TRPC7: variants seen among roughly 807,000 people sequenced by gnomAD.
TRPC7 encodes the protein short transient receptor potential channel 7.
TRPC7 carries 42 observed loss-of-function variants against 90.1 expected under a neutral mutation model. The ratio of observed to expected loss-of-function variants is 0.47; its 90% confidence interval spans 0.36 to 0.60. The LOEUF (loss-of-function observed/expected upper bound fraction) is 0.60. Ranked by LOEUF, TRPC7 falls within the 20% of genes least tolerant of loss-of-function variation. TRPC7 has a pLI of 0.00. For missense variants in TRPC7, 955 were observed against 1,112.3 expected, an observed-to-expected ratio of 0.86 and a Z score of 2.01; for synonymous variants, 451 against 436.3, an observed-to-expected ratio of 1.03 and a Z score of -0.42.
At chr5:136,305,408 A>G (rs1204806207) in intron 3 of TRPC7, among the ~76,000 whole-genome samples, 5 of 152,078 alleles carry the variant, frequency 3.3e-5, no homozygotes, top group Non-Finnish European at 5.9e-5. Context: ...GTGGAAATCT[A>G]TCCTCAAGGA....
At chr5:136,261,123 G>T (rs1312817754) in intron 5 of TRPC7, among the ~76,000 whole-genome samples, 1 of 152,096 alleles carries the variant, frequency 6.6e-6, no homozygotes, top group Admixed American at 6.6e-5. Context: ...TCACATGCTG[G>T]ATCTCAGGGT....
At chr5:136,291,950 C>T (rs1262596481) in intron 3 of TRPC7, among the ~76,000 whole-genome samples, 3 of 152,088 alleles carry the variant, frequency 2.0e-5, no homozygotes, top group Admixed American at 6.5e-5. Flanking sequence ...GTCTCTCAGA[C>T]CACAGTGCAA....
At chr5:136,361,478 G>A (rs994876875) in intron 1 of TRPC7, among the ~76,000 whole-genome samples, 4 of 152,168 alleles carry the variant, frequency 2.6e-5, no homozygotes, top group African/African-American at 9.6e-5. Flanking sequence ...AAGGAAGCCA[G>A]ATGTCATTGA....
At chr5:136,323,236 TG>T (rs1403332193) in intron 2 of TRPC7, among the ~76,000 whole-genome samples, 2 of 152,254 alleles carry the variant, frequency 1.3e-5, no homozygotes, top group Non-Finnish European at 2.9e-5. Context: ...TGGCCATGAT[TG>T]GGGCCTCCCC....
intron 2 of TRPC7, among the ~76,000 whole-genome samples, chr5:136,345,945 G>A (rs984415665): frequency 6.6e-6 from 1 of 152,078 alleles, no homozygotes; most frequent in Non-Finnish European, 1.5e-5. Context: ...AGCACCATTT[G>A]TTAAATAGGG....
chr5:136,257,421 T>G (rs1756721583), intron 5 of TRPC7, among the ~76,000 whole-genome samples: 1 of 152,102 alleles, frequency 6.6e-6, no homozygotes, highest in African/African-American at 2.4e-5. Flanking sequence ...GACCTCGTGA[T>G]CCTCCCACCT....
At chr5:136,321,522 A>T (rs1759198047) in intron 2 of TRPC7, among the ~76,000 whole-genome samples, 1 of 152,182 alleles carries the variant, frequency 6.6e-6, no homozygotes, top group Non-Finnish European at 1.5e-5. Context: ...TTCAACACCA[A>T]ACTCATGTCA....
Position 136,357,277 on chromosome 5 carries a change from G to A in TRPC7, c.111C>T (p.Gly37=), listed in dbSNP as rs758765325. The A allele has an allele frequency of 1.9e-6, 3 of 1,612,962 alleles. No homozygotes were observed. Among genetic ancestry groups the A allele is most frequent in the Non-Finnish European group, 2.5e-6 (3 of 1,179,906 alleles). ...RGPAYMFNEK[G]TSLTPEEERF... is the part of the protein sequence containing the mutation. ...GCTCCTCCTCGGGCGTCAGACTGGT[G>A]CCCTTCTCGTTGAACATGTAGGCGG... is the stretch of plus-strand genomic sequence containing the variant. The change falls in exon 2 of 12, where the codon GGC becomes GGT. Residue 37 remains glycine (G), a synonymous_variant. Transcript: ENST00000513104.
intron 3 of TRPC7, among the ~76,000 whole-genome samples, chr5:136,295,496 C>A (rs1457220272): frequency 6.6e-6 from 1 of 152,102 alleles, no homozygotes; most frequent in Non-Finnish European, 1.5e-5. Context: ...GCAGGGTGAG[C>A]TTGGCTTAGC....
intron 3 of TRPC7, among the ~76,000 whole-genome samples, chr5:136,295,273 A>C (rs1758125886): frequency 6.6e-6 from 1 of 152,160 alleles, no homozygotes; most frequent in Admixed American, 6.5e-5. Context: ...ATGTACCCTA[A>C]AACTTAAAGT....
chr5:136,305,592 A>G (rs1041904500), intron 3 of TRPC7, among the ~76,000 whole-genome samples: 9 of 152,166 alleles, frequency 5.9e-5, no homozygotes, highest in African/African-American at 2.2e-4. Context: ...CTAAATAGAC[A>G]CTTTCACTGA....
At chr5:136,342,268 T>G (rs1477107288) in intron 2 of TRPC7, among the ~76,000 whole-genome samples, 1 of 152,200 alleles carries the variant, frequency 6.6e-6, no homozygotes, top group Admixed American at 6.5e-5. Flanking sequence ...CTCACATGCC[T>G]CCCTCTGTTC....
intron 6 of TRPC7, among the ~76,000 whole-genome samples, chr5:136,249,261 G>C (rs977371912): frequency 6.6e-6 from 1 of 152,120 alleles, no homozygotes; most frequent in Non-Finnish European, 1.5e-5. Context: ...ACTAGACTCT[G>C]TTAAATAATT....
intron 5 of TRPC7, among the ~76,000 whole-genome samples, chr5:136,261,843 T>G (rs1756866829): frequency 6.6e-6 from 1 of 152,236 alleles, no homozygotes; most frequent in South Asian, 2.1e-4. Context: ...TATATTCAGT[T>G]GCTACTTGGC....
chr5:136,353,445 G>T (rs776818789), intron 2 of TRPC7, among the ~76,000 whole-genome samples: 14 of 152,152 alleles, frequency 9.2e-5, no homozygotes, highest in Non-Finnish European at 1.6e-4. Context: ...ATGGCATCAG[G>T]TCATCTCCAT....
chr5:136,270,390 G>A (rs530534371), intron 4 of TRPC7, among the ~76,000 whole-genome samples: 24 of 152,276 alleles, frequency 1.6e-4, no homozygotes, highest in East Asian at 9.6e-4. Flanking sequence ...TACACACAAC[G>A]CAGTTAGAAC....
intron 4 of TRPC7, among the ~76,000 whole-genome samples, chr5:136,274,093 G>A (rs1234847470): frequency 6.6e-6 from 1 of 152,114 alleles, no homozygotes; most frequent in East Asian, 1.9e-4. Flanking sequence ...AGCTGCCCAT[G>A]TGAGCCAGAA....
chr5:136,308,461 A>G (rs1758717949), intron 3 of TRPC7, among the ~76,000 whole-genome samples: 1 of 152,204 alleles, frequency 6.6e-6, no homozygotes. Flanking sequence ...ATCTGTTAAA[A>G]CGATGCCTCA....
intron 11 of TRPC7, chr5:136,214,572 A>G (rs932319625): frequency 1.3e-5 from 2 of 152,088 alleles, no homozygotes; most frequent in African/African-American, 4.8e-5. Context: ...GGATACCCCC[A>G]CCTTCTATGA....
Sources: gnomAD v4.1 joint callset for allele counts (sites outside exome capture counted in the v4.1 genomes callset) on GRCh38, gnomAD v4.1.1 for gene constraint, MANE v1.5 for transcripts, NCBI Gene and HGNC (gene_info 2026-07-23, HGNC 2026-07-21) for gene names.